CCAR1: variants seen among roughly 807,000 people sequenced by gnomAD.
The protein encoded by CCAR1 is cell division cycle and apoptosis regulator protein 1.
CCAR1 carries 78 observed loss-of-function variants against 163.8 expected under a neutral mutation model. That is an observed-to-expected ratio of 0.48 (90% CI 0.40 to 0.57). CCAR1 has a LOEUF of 0.57. CCAR1 is among the 20% of genes least tolerant of loss of function. CCAR1 has a pLI of 0.00. For synonymous variants in CCAR1, 443 were observed against 460.7 expected, an observed-to-expected ratio of 0.96 and a Z score of 0.49; for missense variants, 1,019 against 1,365.2, an observed-to-expected ratio of 0.75 and a Z score of 4.00.
intron 12 of CCAR1, among the ~76,000 whole-genome samples, 165 bp downstream of exon 12, chr10:68,754,992 G>C (rs2056381145): frequency 1.3e-5 from 2 of 152,180 alleles, no homozygotes; most frequent in Non-Finnish European, 2.9e-5. Context: ...TCTCATTGCA[G>C]ATTACAACTA....
rs75644686 is a variant in CCAR1, at chr10:68,782,709, T to C, written c.2651-3427T>C. On this transcript the variant is annotated intron_variant, in intron 19 of 24. Transcript: ENST00000265872. Reference sequence around the variant, plus strand: ...AGCCCCTTAAAAATTATGCTAAACCTACCGTACCTGTGCCCTAGAAATTGA... The same window carrying C: ...AGCCCCTTAAAAATTATGCTAAACCCACCGTACCTGTGCCCTAGAAATTGA... 1.2e-3 allele frequency among the ~76,000 whole-genome samples: 176 copies of C among 152,286 alleles called. 2 individuals are homozygous for C. The East Asian group carries it at 0.032, about 28-fold the overall frequency.
In CCAR1 at chr10:68,742,432, A is replaced by T; in HGVS notation, c.381A>T (p.Gln127His). ...LSLSTPQPTA[Q>H]ITVSYPTPRS... ...TGTCTACTCCTCAGCCAACAGCACAAATAACTGTATCATATCCAACACCAA... is the reference window on the plus strand; with the variant it reads ...TGTCTACTCCTCAGCCAACAGCACATATAACTGTATCATATCCAACACCAA... The change falls in exon 6 of 25, where the codon CAA (glutamine) becomes CAT (histidine). Residue 127 changes from glutamine to histidine, a missense_variant. Around this residue, in one of 4 missense-constraint regions of CCAR1, gnomAD observed 644 missense variants for 904.4 expected, o/e 0.71. Transcript: ENST00000265872. The T allele has an allele frequency of 6.2e-7, 1 of 1,614,172 alleles. No homozygotes were observed. Among genetic ancestry groups the T allele is most frequent in the Non-Finnish European group, 8.5e-7 (1 of 1,180,030 alleles).
intron 10 of CCAR1, among the ~76,000 whole-genome samples, chr10:68,752,774 A>G (rs1002649009): frequency 6.6e-6 from 1 of 152,112 alleles, no homozygotes; most frequent in Non-Finnish European, 1.5e-5. Flanking sequence ...AGAAGCTGAC[A>G]TGGAAGGATT....
At chr10:68,746,350 C>A (rs1589163497) in intron 6 of CCAR1, among the ~76,000 whole-genome samples, 1 of 152,026 alleles carries the variant, frequency 6.6e-6, no homozygotes, top group Non-Finnish European at 1.5e-5. Flanking sequence ...GATCTTGGCT[C>A]ACTGCAACCT....
chr10:68,755,092 T>C (rs1197849703), intron 12 of CCAR1: 1 of 649,370 alleles, frequency 1.5e-6, no homozygotes, highest in Non-Finnish European at 2.8e-6. Context: ...GGATTCAGAG[T>C]GTCTTTGGAT....
Position 68,725,074 on chromosome 10 carries a change from C to T in CCAR1, c.73+2497C>T, listed in dbSNP as rs2055921839. ...AATCTCTTGAACCCGGCGGAGGTTG[C>T]GGTGAGCTCAGATGCTCAGATTGCG... On this transcript the variant is annotated intron_variant, in intron 2 of 24. Coordinates refer to ENST00000265872, the MANE Select transcript of CCAR1 (RefSeq NM_018237.4). 4.6e-5 allele frequency among the ~76,000 whole-genome samples: 7 copies of T among 152,036 alleles called. No individual in the cohort carries two copies. In the South Asian group the frequency reaches 1.2e-3, roughly 27 times the overall value.
At chr10:68,758,600 T>A (rs10998418) in intron 15 of CCAR1, among the ~76,000 whole-genome samples, 2 of 141,022 alleles carry the variant, frequency 1.4e-5, no homozygotes, top group African/African-American at 5.4e-5. Context: ...TACACACACA[T>A]ATATATACGT....
chr10:68,751,274 G>A (rs1054239369), intron 10 of CCAR1, among the ~76,000 whole-genome samples: 5 of 151,704 alleles, frequency 3.3e-5, no homozygotes, highest in Non-Finnish European at 5.9e-5. Flanking sequence ...TGATCCAGTC[G>A]CCTCAGCCTC....
intron 15 of CCAR1, 128 bp from the exon 16 acceptor site, chr10:68,760,879 C>CA (rs3998847): frequency 1.3e-4 from 40 of 303,972 alleles, no homozygotes; most frequent in Middle Eastern, 6.7e-4. Flanking sequence ...AAACAAAAAA[C>CA]AAAAAAAAAA....
chr10:68,787,916 A>G lies in CCAR1; in HGVS notation c.2881-11A>G, dbSNP rs894199447. ...TCATCTCTGTATTTTGTTTACTTGC[A>G]TGCATAACAGGTAAAGAAGCTTCTT... On this transcript the variant is annotated splice_polypyrimidine_tract_variant and intron_variant, in intron 21 of 24. Transcript: ENST00000265872. 2.5e-6 allele frequency: 4 copies of G among 1,590,994 alleles called. No individual in the cohort carries two copies. The highest frequency in any genetic ancestry group is 1.9e-5 in the Admixed American group (1 of 52,742).
At chr10:68,743,049 C>T (rs2056203163) in intron 6 of CCAR1, among the ~76,000 whole-genome samples, 1 of 152,082 alleles carries the variant, frequency 6.6e-6, no homozygotes, top group Non-Finnish European at 1.5e-5. Flanking sequence ...TCTCCTGCCT[C>T]AGCCTCCCGA....
rs1365865708 is a variant in CCAR1, at chr10:68,743,728, GTTTGTTTATTTATTTA to G, written c.518+1163_518+1178del. On this transcript the variant is annotated intron_variant, in intron 6 of 24. Coordinates refer to ENST00000265872, the MANE Select transcript of CCAR1 (RefSeq NM_018237.4). ...CGGCTAATTTTTGTATTATTTATTTGTTTGTTTATTTATTTATTTATTTATTTATTTATTTACTTTG... is the reference window on the plus strand; with the variant it reads ...CGGCTAATTTTTGTATTATTTATTTGTTTATTTATTTATTTATTTACTTTG... Among the ~76,000 whole-genome samples, 15 of 148,036 alleles carry G rather than the reference GTTTGTTTATTTATTTA, an allele frequency of 1.0e-4. No individual in the cohort carries two copies. In the South Asian group the frequency reaches 1.5e-3, roughly 15 times the overall value.
At chr10:68,789,135 T>C (rs1177865822) in intron 23 of CCAR1, among the ~76,000 whole-genome samples, 1 of 151,398 alleles carries the variant, frequency 6.6e-6, no homozygotes, top group African/African-American at 2.4e-5. Flanking sequence ...GGTCTCGATC[T>C]CCTGACCTCG....
In CCAR1 at chr10:68,789,895, A is replaced by G. The variant is rs746994659; in HGVS notation, c.3373A>G (p.Ile1125Val). Residue 1125 changes from isoleucine to valine, a missense_variant, in exon 24 of 25, where the codon ATC (isoleucine) becomes GTC (valine). Ile to Val is a conservative substitution (Grantham distance 29, BLOSUM62 3). Around this residue, in one of 4 missense-constraint regions of CCAR1, gnomAD observed 358 missense variants for 406.4 expected, o/e 0.88. Transcript: ENST00000265872. ...IRNLSTVMDE[I>V]HTVLKKDNVK... is the part of the protein sequence containing the mutation. ...AAACTTATCTACGGTAATGGATGAA[A>G]TCCACACTGTTCTCAAGAAGGTGAG... 3.1e-5 allele frequency: 49 copies of G among 1,583,610 alleles called. No individual in the cohort carries two copies. The highest frequency in any genetic ancestry group is 4.2e-5 in the Non-Finnish European group (49 of 1,168,662).
rs116327174 is a variant in CCAR1, at chr10:68,735,395, A to G, written c.74-1481A>G. ...GCTTTTTTTTTTTTTTTTTTTTCCA[A>G]TATTGAGAGGTAGAGTTTTACTCTG... On this transcript the variant is annotated intron_variant, in intron 2 of 24. Transcript: ENST00000265872. Among the ~76,000 whole-genome samples, 802 of 133,478 alleles carry G rather than the reference A, an allele frequency of 6.0e-3. 9 individuals carry two copies. Among genetic ancestry groups the G allele is most frequent in the African/African-American group, 0.024 (762 of 31,794 alleles). The allele number at this position is 133,478 out of a possible 152,430, so 87.6% of individuals were successfully genotyped here.
At chr10:68,760,897 A>C in intron 15 of CCAR1, 110 bp from the exon 16 acceptor site, 1 of 423,494 alleles carries the variant, frequency 2.4e-6, no homozygotes. Context: ...AAAAAAACAC[A>C]CAAAATATAA....
intron 6 of CCAR1, among the ~76,000 whole-genome samples, chr10:68,745,454 A>G (rs1334292564): frequency 6.8e-6 from 1 of 147,030 alleles, no homozygotes; most frequent in Non-Finnish European, 1.5e-5. Context: ...GGCCCATGCT[A>G]CCACGTCCAG....
At chr10:68,780,812 G>A (rs1418846709) in intron 19 of CCAR1, among the ~76,000 whole-genome samples, 2 of 152,118 alleles carry the variant, frequency 1.3e-5, no homozygotes, top group African/African-American at 4.8e-5. Flanking sequence ...CTTGAATTGT[G>A]CCCATAGAAG....
intron 24 of CCAR1, among the ~76,000 whole-genome samples, chr10:68,790,328 C>T (rs2056839066): frequency 1.3e-5 from 2 of 150,488 alleles, no homozygotes; most frequent in Non-Finnish European, 2.9e-5. Flanking sequence ...GCACTCTAGC[C>T]TGGGCAACAG....
Sources: gnomAD v4.1 joint callset for allele counts (sites outside exome capture counted in the v4.1 genomes callset) on GRCh38, gnomAD v4.1.1 for gene constraint, gnomAD v4.1.1 regional missense constraint, MANE v1.5 for transcripts, NCBI Gene and HGNC (gene_info 2026-07-23, HGNC 2026-07-21) for gene names.